The following XRCC1 variants were observed in gnomAD, a reference collection of about 807,000 sequenced individuals.
The protein encoded by XRCC1 is DNA repair protein XRCC1.
A neutral mutation model predicts 83.3 loss-of-function variants in XRCC1; 52 were observed. That is an observed-to-expected ratio of 0.62 (90% CI 0.50 to 0.79). XRCC1 has a LOEUF of 0.79. Among genes scored for constraint, XRCC1 ranks in the 30% least tolerant of loss-of-function variants. The pLI is 0.00. For missense variants in XRCC1, 793 were observed against 823.5 expected, an observed-to-expected ratio of 0.96 and a Z score of 0.45; for synonymous variants, 281 against 312.6, an observed-to-expected ratio of 0.90 and a Z score of 1.07.
At chr19:43,548,951 G>A (rs1972549272) in intron 10 of XRCC1, among the ~76,000 whole-genome samples, 1 of 151,962 alleles carries the variant, frequency 6.6e-6, no homozygotes, top group African/African-American at 2.4e-5. Context: ...TAAGCCACAG[G>A]GAAGGTATGC....
intron 2 of XRCC1, among the ~76,000 whole-genome samples, chr19:43,571,171 G>A (rs1972803803): frequency 6.6e-6 from 1 of 152,074 alleles, no homozygotes; most frequent in Non-Finnish European, 1.5e-5. Flanking sequence ...TGGTTTTTTA[G>A]GGGTTCCCAG....
rs954961595 is a variant in XRCC1 at position 43,553,834 on chromosome 19, T to C, written c.415-151A>G. On this transcript the variant is annotated intron_variant, in intron 4 of 16. Coordinates refer to ENST00000262887, the MANE Select transcript of XRCC1 (RefSeq NM_006297.3). The stretch of plus-strand genomic sequence containing the variant: ...GGGGCCCTGGCGATGGTGATGACAA[T>C]TATAGGATTAAGCTGTTATGACTGA... The C allele has an allele frequency of 2.7e-5, 17 of 622,936 alleles. No homozygotes were observed. The Admixed American group carries it at 4.2e-4, about 15-fold the overall frequency. The allele number at this position is 622,936 out of a possible 1,614,324, so 38.6% of individuals were successfully genotyped here.
chr19:43,546,582 C>G lies in XRCC1; in HGVS notation c.1426+13G>C, dbSNP rs748782793. 1 of 1,597,104 alleles carries G rather than the reference C, an allele frequency of 6.3e-7. No homozygotes were observed. Among genetic ancestry groups the G allele is most frequent in the Non-Finnish European group, 8.5e-7 (1 of 1,175,752 alleles). ...GAGCCCAGGCCCCAGCCCCTCCTCC[C>G]TCAGAGTCTGACCTGACTGTACCCC... On this transcript the variant is annotated intron_variant, in intron 12 of 16. Coordinates refer to ENST00000262887, the MANE Select transcript of XRCC1 (RefSeq NM_006297.3).
Position 43,575,432 on chromosome 19 carries a change from G to A in XRCC1, c.27C>T (p.Val9=), listed in dbSNP as rs758430913. 5 of 1,611,990 alleles carry A rather than the reference G, an allele frequency of 3.1e-6. No homozygotes were observed. In the South Asian group the frequency reaches 4.4e-5, roughly 14 times the overall value. MPEIRLRH[V]VSCSSQDSTH... Reference sequence around the variant, plus strand: ...CCGAGTCCTGGCTGCTGCAGGACACGACATGGCGGAGGCGGATCTCCGGCA... The same window carrying A: ...CCGAGTCCTGGCTGCTGCAGGACACAACATGGCGGAGGCGGATCTCCGGCA... The change falls in exon 1 of 17, where the codon GTC becomes GTT. Residue 9 remains valine (V), a synonymous_variant. Transcript: ENST00000262887.
intron 10 of XRCC1, among the ~76,000 whole-genome samples, chr19:43,548,779 A>AAAAAAAAAAAAAAAAAAC (rs1213062759): frequency 1.1e-4 from 16 of 141,728 alleles, no homozygotes; most frequent in South Asian, 2.4e-4. Context: ...AAAAAAAAAA[A>AAAAAAAAAAAAAAAAAAC]AAAAAAACAC....
chr19:43,546,231 G>A (rs1384438833), intron 12 of XRCC1, 125 bp from the exon 13 acceptor site: 29 of 1,098,482 alleles, frequency 2.6e-5, no homozygotes, highest in Middle Eastern at 5.8e-4. Flanking sequence ...AGATCCAGTC[G>A]TCTGGGCCCC....
At chr19:43,543,748 T>C (rs3213397) in intron 15 of XRCC1, 61 bp from the exon 16 acceptor site, 140 of 1,506,590 alleles carry the variant, frequency 9.3e-5, no homozygotes, top group East Asian at 1.1e-4. Context: ...GACGTCCTAC[T>C]CCCCAGCCAC....
chr19:43,551,262 C>T (rs557004360), intron 10 of XRCC1, among the ~76,000 whole-genome samples: 3 of 152,328 alleles, frequency 2.0e-5, no homozygotes, highest in East Asian at 1.9e-4. Flanking sequence ...GCCACTGCAC[C>T]GGGACTCACT....
In XRCC1 at chr19:43,575,510, C is replaced by T. The variant is rs1220460142; in HGVS notation, c.-52G>A. The T allele has an allele frequency of 1.3e-6, 2 of 1,590,438 alleles. No homozygotes were observed. Among genetic ancestry groups the T allele is most frequent in the Non-Finnish European group, 1.7e-6 (2 of 1,163,086 alleles). ...AGAAGGATGAGGTAGAGTATGGGGT[C>T]CGAGGGGCAGGGAGAGTGGGAGGGG... is the stretch of plus-strand genomic sequence containing the variant. On this transcript the variant is annotated 5_prime_UTR_variant, in exon 1 of 17. Coordinates refer to ENST00000262887, the MANE Select transcript of XRCC1 (RefSeq NM_006297.3).
chr19:43,545,193 G>A (rs1338127259), intron 14 of XRCC1, among the ~76,000 whole-genome samples: 2 of 152,118 alleles, frequency 1.3e-5, no homozygotes. Flanking sequence ...TCTTCTGGAA[G>A]CCCCAGAACC....
intron 12 of XRCC1, 60 bp downstream of exon 12, chr19:43,546,535 G>A: frequency 6.5e-7 from 1 of 1,550,006 alleles, no homozygotes; most frequent in Non-Finnish European, 8.7e-7. Flanking sequence ...CCAGGCCGCA[G>A]GCCCTCCTCC....
chr19:43,545,159 C>A (rs1972495768), intron 14 of XRCC1, among the ~76,000 whole-genome samples: 1 of 152,174 alleles, frequency 6.6e-6, no homozygotes, highest in Non-Finnish European at 1.5e-5. Flanking sequence ...GCCCATCACC[C>A]ACGAGGAACT....
At chr19:43,562,626 C>A (rs1400512654) in intron 2 of XRCC1, among the ~76,000 whole-genome samples, 2 of 152,216 alleles carry the variant, frequency 1.3e-5, no homozygotes, top group Non-Finnish European at 2.9e-5. Flanking sequence ...TACCTGTGGT[C>A]CCAGCTACTC....
In XRCC1 at chr19:43,543,611, C is replaced by T. The variant is rs1972477727; in HGVS notation, c.1788+1G>A. On this transcript the variant is annotated splice_donor_variant, in intron 16 of 16. Coordinates refer to ENST00000262887, the MANE Select transcript of XRCC1 (RefSeq NM_006297.3). LOFTEE classifies it high-confidence loss of function. The stretch of plus-strand genomic sequence containing the variant: ...CCATTCTCTGCCTCTTTGGTACTCA[C>T]CTCCTCAAAGCTGGGATCCCATTCC... The T allele has an allele frequency of 6.2e-7, 1 of 1,613,992 alleles. No homozygotes were observed. Among genetic ancestry groups the T allele is most frequent in the Non-Finnish European group, 8.5e-7 (1 of 1,180,002 alleles).
chr19:43,562,514 T>A (rs1600056044), intron 2 of XRCC1, among the ~76,000 whole-genome samples: 1 of 151,492 alleles, frequency 6.6e-6, no homozygotes, highest in African/African-American at 2.4e-5. Context: ...GAGGCTGGGG[T>A]GGGAGGATCA....
At chr19:43,567,089 C>T (rs905260431) in intron 2 of XRCC1, among the ~76,000 whole-genome samples, 1 of 152,036 alleles carries the variant, frequency 6.6e-6, no homozygotes, top group African/African-American at 2.4e-5. Context: ...ACCACGTATA[C>T]ATTTATAAGT....
At chr19:43,552,352 G>T in intron 8 of XRCC1, 77 bp from the exon 9 acceptor site, 1 of 1,117,236 alleles carries the variant, frequency 9.0e-7, no homozygotes, top group Non-Finnish European at 1.3e-6. Flanking sequence ...AGACCCAGCA[G>T]TCCAGGCCCC....
rs754226766 is a variant in XRCC1 at position 43,543,475 on chromosome 19, C to G, written c.1819G>C (p.Val607Leu). Residue 607 changes from valine to leucine, a missense_variant, in exon 17 of 17, where the codon GTT (valine) becomes CTT (leucine). Transcript: ENST00000262887. ...ALMDNPSLAF[V>L]RPRWIYSCNE... ...CAACTGTAGATCCATCGGGGACGAA[C>G]GAATGCCAGGGAGGGGTTGTCCATC... The G allele has an allele frequency of 6.2e-7, 1 of 1,613,456 alleles. No homozygotes were observed. The highest frequency in any genetic ancestry group is 1.7e-5 in the Admixed American group (1 of 59,920).
intron 2 of XRCC1, among the ~76,000 whole-genome samples, chr19:43,564,586 C>T (rs1600057137): frequency 1.3e-5 from 2 of 152,002 alleles, no homozygotes; most frequent in African/African-American, 2.4e-5. Context: ...GTAGGGAGTT[C>T]GAGACCAGCC....
Sources: gnomAD v4.1 joint callset for allele counts (sites outside exome capture counted in the v4.1 genomes callset) on GRCh38, gnomAD v4.1.1 for gene constraint, MANE v1.5 for transcripts, NCBI Gene and HGNC (gene_info 2026-07-23, HGNC 2026-07-21) for gene names.